The following FHL5 variants were observed in gnomAD, a reference collection of about 807,000 sequenced individuals.
The protein encoded by FHL5 is four and a half LIM domains 5.
Under a neutral mutation model 32.0 loss-of-function variants are expected in FHL5, and 33 were observed. The ratio of observed to expected loss-of-function variants is 1.03; its 90% CI spans 0.78 to 1.38. The LOEUF is 1.38. FHL5 is among the 40% of genes most tolerant of loss of function. The probability of loss-of-function intolerance (pLI) is 0.00; values close to 1 mark genes in which losing one functional copy is unlikely to be tolerated. For missense variants in FHL5, 336 were observed against 343.9 expected (o/e 0.98, Z 0.18); for synonymous variants, 114 against 113.6 (o/e 1.00, Z -0.02).
chr6:96,611,897 A>C (rs1771417325), intron 5 of FHL5, among the ~76,000 whole-genome samples: 1 of 152,216 alleles, frequency 6.6e-6, no homozygotes, highest in South Asian at 2.1e-4. Context: ...TCTGGCAAGC[A>C]GGCTGTTGAT....
intron 1 of FHL5, among the ~76,000 whole-genome samples, chr6:96,590,985 G>GT (rs752339929): frequency 3.9e-5 from 6 of 151,988 alleles, no homozygotes; most frequent in Non-Finnish European, 8.8e-5. Flanking sequence ...TTAGTTGCTT[G>GT]TTATTTGGGT....
In FHL5 at chr6:96,602,742, T is replaced by C. The variant is rs530869467; in HGVS notation, c.-12-860T>C. On this transcript the variant is annotated intron_variant, in intron 1 of 5. Coordinates refer to ENST00000450218, the MANE Select transcript of FHL5 (RefSeq NM_001322466.2). ...ATTCTAGCTATTTTATCCATAGCTA[T>C]AATGGAATAGCTGCTGCTATTATTT... is the stretch of plus-strand genomic sequence containing the variant. 7.0e-4 allele frequency among the ~76,000 whole-genome samples: 107 copies of C among 152,208 alleles called. 1 individual carries two copies. Among genetic ancestry groups the C allele is most frequent in the Non-Finnish European group, 1.3e-3 (88 of 68,044 alleles).
At position 96,600,632 on chromosome 6, in the gene FHL5, T is replaced by C. The variant is rs571530608; in HGVS notation, c.-12-2970T>C. On this transcript the variant is annotated intron_variant, in intron 1 of 5. Coordinates refer to ENST00000450218, the MANE Select transcript of FHL5 (RefSeq NM_001322466.2). ...CTATATGGTTCTAATAGAGTGTGTA[T>C]CATTTATATAGTTATAATACCTCTA... Among the ~76,000 whole-genome samples the C allele has an allele frequency of 2.0e-4, 30 of 152,310 alleles. No homozygotes were observed. In the East Asian group the frequency reaches 5.8e-3, roughly 29 times the overall value.
Position 96,573,630 on chromosome 6 carries a change from T to G in FHL5, c.-13+10275T>G, listed in dbSNP as rs570370920. 3.4e-5 allele frequency among the ~76,000 whole-genome samples: 5 copies of G among 148,102 alleles called. No homozygotes were observed. The South Asian group carries it at 1.1e-3, about 33-fold the overall frequency. On this transcript the variant is annotated intron_variant, in intron 1 of 5. Transcript: ENST00000450218. ...TCCACCTCCCGGGTTCACGCCATTC[T>G]CCTGCCTCAGCCTCCCTAGTAGCTG...
chr6:96,615,574 G>A, intron 5 of FHL5, 35 bp from the exon 6 acceptor site: 1 of 1,554,958 alleles, frequency 6.4e-7, no homozygotes, highest in Non-Finnish European at 8.7e-7. Flanking sequence ...TTCCTTGAAA[G>A]GATAGATTAA....
chr6:96,578,668 C>T (rs1317686363), intron 1 of FHL5, among the ~76,000 whole-genome samples: 2 of 152,092 alleles, frequency 1.3e-5, no homozygotes, highest in East Asian at 3.9e-4. Flanking sequence ...GTGTCGAAAC[C>T]CCATCTCTAC....
rs1771464546 is a variant in FHL5, at chr6:96,613,951, T to C, written c.692-1658T>C. ...CAACAAATGCCAGCTCTTATTCTAC[T>C]GACTTGTCAGAAACCTATGAAACCA... On this transcript the variant is annotated intron_variant, in intron 5 of 5. Transcript: ENST00000450218. Among the ~76,000 whole-genome samples the C allele has an allele frequency of 2.6e-5, 4 of 152,216 alleles. No homozygotes were observed. In the South Asian group the frequency reaches 8.3e-4, roughly 31 times the overall value.
intron 1 of FHL5, among the ~76,000 whole-genome samples, chr6:96,585,003 C>A (rs1770770540): frequency 6.6e-6 from 1 of 152,094 alleles, no homozygotes; most frequent in South Asian, 2.1e-4. Context: ...GAGAATAGAG[C>A]AGTATACCTT....
chr6:96,614,269 A>G (rs1418975563), intron 5 of FHL5, among the ~76,000 whole-genome samples: 1 of 152,234 alleles, frequency 6.6e-6, no homozygotes. Context: ...AGCATAATTT[A>G]TGTATATACA....
intron 4 of FHL5, among the ~76,000 whole-genome samples, chr6:96,610,292 C>T (rs144685052): frequency 2.0e-3 from 298 of 152,232 alleles, no homozygotes; most frequent in African/African-American, 6.6e-3. Context: ...GAAAAATATA[C>T]AATAATTTCC....
At chr6:96,611,965 G>T (rs1176009835) in intron 5 of FHL5, among the ~76,000 whole-genome samples, 1 of 152,190 alleles carries the variant, frequency 6.6e-6, no homozygotes, top group Non-Finnish European at 1.5e-5. Context: ...GCAGCTAAAA[G>T]TAGAGGAAGA....
chr6:96,566,204 A>G (rs1157268812), intron 1 of FHL5, among the ~76,000 whole-genome samples: 9 of 151,694 alleles, frequency 5.9e-5, no homozygotes, highest in South Asian at 2.1e-4. Context: ...CTCTCCTTCT[A>G]TGAGATTGAC....
At chr6:96,604,227 T>G (rs73492769) in intron 2 of FHL5, among the ~76,000 whole-genome samples, 4,797 of 152,078 alleles carry the variant, frequency 0.032, 186 homozygotes, top group African/African-American at 0.096. Flanking sequence ...TACCACCCCT[T>G]CCTCCGACAT....
rs139770817 is a variant in FHL5 at position 96,581,642 on chromosome 6, G to T, written c.-13+18287G>T. On this transcript the variant is annotated intron_variant, in intron 1 of 5. Coordinates refer to ENST00000450218, the MANE Select transcript of FHL5 (RefSeq NM_001322466.2). The stretch of plus-strand genomic sequence containing the variant: ...AACAGGAAGAACTTCCCCATCAAAT[G>T]GCAAGTGAAAGCTGGTAGAAACGGT... Among the ~76,000 whole-genome samples the T allele has an allele frequency of 1.0e-3, 152 of 152,234 alleles. 1 individual carries two copies. The highest frequency in any genetic ancestry group is 3.6e-3 in the African/African-American group (148 of 41,534).
Position 96,615,953 on chromosome 6 carries a change from G to A in FHL5, c.*181G>A. On this transcript the variant is annotated 3_prime_UTR_variant, in exon 6 of 6. Transcript: ENST00000450218. ...AGCACACAAAAAGCACAGTAGAACA[G>A]AAATGAATATATGCTAAATCACAAA... 2.2e-6 allele frequency: 1 copy of A among 462,662 alleles called. No homozygotes were observed. The highest frequency in any genetic ancestry group is 3.8e-6 in the Non-Finnish European group (1 of 264,778). 28.7% of individuals were successfully genotyped at this position (462,662 alleles called of 1,614,324 possible). A position where few individuals can be genotyped will look rare whatever the true frequency, so the allele number is the denominator to read the frequency against.
At chr6:96,595,905 T>A (rs193088388) in intron 1 of FHL5, among the ~76,000 whole-genome samples, 20 of 152,204 alleles carry the variant, frequency 1.3e-4, no homozygotes, top group Non-Finnish European at 2.8e-4. Flanking sequence ...GTTTTGTTGG[T>A]GATCCAAGTA....
chr6:96,584,435 ATGTGTG>A (rs141920939), intron 1 of FHL5, among the ~76,000 whole-genome samples: 21,477 of 146,754 alleles, frequency 0.15, 1,572 homozygotes, highest in East Asian at 0.28. Context: ...CAGGTGGGAT[ATGTGTG>A]TGTGTGTGTG....
chr6:96,586,082 A>G (rs1770791506), intron 1 of FHL5, among the ~76,000 whole-genome samples: 1 of 152,224 alleles, frequency 6.6e-6, no homozygotes, highest in Non-Finnish European at 1.5e-5. Context: ...TGTTGCATCT[A>G]CAATGGTCTT....
At chr6:96,575,553 C>T (rs1435877682) in intron 1 of FHL5, among the ~76,000 whole-genome samples, 1 of 152,168 alleles carries the variant, frequency 6.6e-6, no homozygotes, top group African/African-American at 2.4e-5. Context: ...CAGGCCCATG[C>T]TTTGGCAACT....
Sources: gnomAD v4.1 joint callset for allele counts (sites outside exome capture counted in the v4.1 genomes callset) on GRCh38, gnomAD v4.1.1 for gene constraint, MANE v1.5 for transcripts, NCBI Gene and HGNC (gene_info 2026-07-23, HGNC 2026-07-21) for gene names.